PDE10A: variants seen among roughly 807,000 people sequenced by gnomAD.
The protein encoded by PDE10A is cAMP and cAMP-inhibited cGMP 3',5'-cyclic phosphodiesterase 10A.
In PDE10A, 39 loss-of-function variants were observed where a neutral mutation model predicts 97.7. The ratio of observed to expected loss-of-function variants is 0.40; its 90% CI spans 0.31 to 0.52. The LOEUF (loss-of-function observed/expected upper bound fraction) is 0.52. PDE10A is among the 20% of genes least tolerant of loss of function. PDE10A has a pLI of 0.56. For missense variants in PDE10A, 731 were observed against 1,047.8 expected, an observed-to-expected ratio of 0.70 and a Z score of 4.17; for synonymous variants, 371 against 376.8, an observed-to-expected ratio of 0.98 and a Z score of 0.18.
At chr6:165,351,980 A>G (rs917984047) in intron 18 of PDE10A, among the ~76,000 whole-genome samples, 6 of 152,024 alleles carry the variant, frequency 3.9e-5, no homozygotes, top group African/African-American at 1.4e-4. Flanking sequence ...CAGCCTCCCA[A>G]GTAGCTGGAA....
chr6:165,577,357 G>A (rs968422497), intron 1 of PDE10A, among the ~76,000 whole-genome samples: 1 of 152,104 alleles, frequency 6.6e-6, no homozygotes, highest in Non-Finnish European at 1.5e-5. Context: ...GGGCCCAAAA[G>A]TCCATGACCA....
intron 3 of PDE10A, among the ~76,000 whole-genome samples, chr6:165,458,586 A>G (rs911681801): frequency 6.6e-6 from 1 of 152,116 alleles, no homozygotes; most frequent in African/African-American, 2.4e-5. Context: ...GTTTACCAGT[A>G]ATTCCATTTT....
At chr6:165,428,872 A>G (rs777452578) in intron 9 of PDE10A, among the ~76,000 whole-genome samples, 163 bp from the exon 10 acceptor site, 2 of 152,046 alleles carry the variant, frequency 1.3e-5, no homozygotes, top group Non-Finnish European at 2.9e-5. Context: ...CAGTACTGTA[A>G]TATTATTTTA....
chr6:165,794,518 A>T (rs1336368955), intron 1 of PDE10A, among the ~76,000 whole-genome samples: 2 of 151,110 alleles, frequency 1.3e-5, no homozygotes, highest in African/African-American at 2.4e-5. Context: ...TCACTCATAC[A>T]CTCGCACACC....
chr6:165,396,203 T>C (rs1786143511), intron 14 of PDE10A, 114 bp downstream of exon 14: 2 of 909,988 alleles, frequency 2.2e-6, no homozygotes, highest in Non-Finnish European at 3.3e-6. Context: ...CACATGAAAC[T>C]CCACATGTAA....
rs527329976 is a variant in PDE10A at position 165,867,877 on chromosome 6, T to C, written c.-615+119652A>G. The stretch of plus-strand genomic sequence containing the variant: ...CTAGAAATCAACAGCAAGAGAAACA[T>C]TGGAAACTATGCAAATACATGGAAA... On this transcript the variant is annotated intron_variant, in intron 1 of 19. Coordinates refer to the PDE10A transcript ENST00000366882. Among the ~76,000 whole-genome samples the C allele has an allele frequency of 4.0e-4, 61 of 152,092 alleles. 1 individual carries two copies. The South Asian group carries it at 0.012, about 30-fold the overall frequency.
intron 3 of PDE10A, among the ~76,000 whole-genome samples, chr6:165,462,513 T>C (rs933201219): frequency 6.6e-6 from 1 of 152,158 alleles, no homozygotes; most frequent in African/African-American, 2.4e-5. Flanking sequence ...TTGGATGCCA[T>C]CAAGACACCT....
chr6:165,718,126 G>T (rs1201259506), intron 1 of PDE10A: 3 of 151,948 alleles, frequency 2.0e-5, no homozygotes, highest in African/African-American at 7.3e-5. Context: ...GTTTTCTTTT[G>T]TTGCCTGTGC....
intron 1 of PDE10A, among the ~76,000 whole-genome samples, chr6:165,889,815 C>T (rs1583239241): frequency 6.6e-6 from 1 of 151,608 alleles, no homozygotes; most frequent in East Asian, 1.9e-4. Context: ...TCCTCACTCA[C>T]CTACTCCTCC....
chr6:165,890,106 C>G (rs1781750727), intron 1 of PDE10A, among the ~76,000 whole-genome samples: 1 of 150,228 alleles, frequency 6.7e-6, no homozygotes. Flanking sequence ...TCACTCCTCA[C>G]TGACTTCTCC....
At chr6:165,709,178 C>T (rs1221152826) in intron 1 of PDE10A, among the ~76,000 whole-genome samples, 2 of 141,694 alleles carry the variant, frequency 1.4e-5, no homozygotes, top group African/African-American at 5.3e-5. Context: ...CTGCACTCTC[C>T]CCACCACTCT....
intron 2 of PDE10A, among the ~76,000 whole-genome samples, chr6:165,543,134 C>G (rs1783551531): frequency 6.6e-6 from 1 of 152,112 alleles, no homozygotes; most frequent in Non-Finnish European, 1.5e-5. Context: ...TATCTAATCA[C>G]TAAAAATAAT....
chr6:165,391,415 T>G (rs1785704486), intron 16 of PDE10A, among the ~76,000 whole-genome samples: 2 of 152,336 alleles, frequency 1.3e-5, no homozygotes, highest in Non-Finnish European at 2.9e-5. Flanking sequence ...CAATGCAACT[T>G]GAAAGTATAA....
chr6:165,943,230 A>AAGGAAG (rs1562809788), intron 1 of PDE10A, among the ~76,000 whole-genome samples: 16 of 40,142 alleles, frequency 4.0e-4, no homozygotes, highest in South Asian at 8.3e-4. Flanking sequence ...AAAGAAAGAA[A>AAGGAAG]GAAAGAAGGA....
chr6:165,691,203 C>CCACACACACACA (rs1241239698), intron 1 of PDE10A, among the ~76,000 whole-genome samples: 1 of 108,662 alleles, frequency 9.2e-6, no homozygotes, highest in African/African-American at 4.5e-5. Context: ...CTCTCTCTCC[C>CCACACACACACA]CACACACACA....
intron 1 of PDE10A, among the ~76,000 whole-genome samples, chr6:165,805,707 T>C (rs2128466354): frequency 6.6e-6 from 1 of 152,320 alleles, no homozygotes; most frequent in South Asian, 2.1e-4. Context: ...CCCAGTTCAC[T>C]GGCTGGTCTT....
rs542979801 is a variant in PDE10A, at chr6:165,934,291, C to T, written c.-615+53238G>A. Among the ~76,000 whole-genome samples, 8 of 151,822 alleles carry T rather than the reference C, an allele frequency of 5.3e-5. No individual in the cohort carries two copies. In the East Asian group the frequency reaches 7.8e-4, roughly 15 times the overall value. The stretch of plus-strand genomic sequence containing the variant: ...CTGAGATTACAGGTGTGAGCCACTG[C>T]GCCCAGCCTCAATCACCTGTTTTGA... On this transcript the variant is annotated intron_variant, in intron 1 of 19. Transcript: ENST00000366882.
intron 1 of PDE10A, among the ~76,000 whole-genome samples, chr6:165,945,673 G>A (rs1172198451): frequency 6.6e-6 from 1 of 152,200 alleles, no homozygotes; most frequent in Admixed American, 6.5e-5. Context: ...CCAGCACCTT[G>A]ATCTTGGACT....
At chr6:165,590,210 A>G (rs1786167932) in intron 1 of PDE10A, among the ~76,000 whole-genome samples, 1 of 152,228 alleles carries the variant, frequency 6.6e-6, no homozygotes, top group Non-Finnish European at 1.5e-5. Flanking sequence ...GTAGTCATAA[A>G]TAAGAGCTAA....
Sources: allele counts gnomAD v4.1 joint callset (sites outside exome capture counted in the v4.1 genomes callset), GRCh38; gene constraint gnomAD v4.1.1; transcripts MANE v1.5; gene names NCBI Gene and HGNC (gene_info 2026-07-23, HGNC 2026-07-21).